CACNA1A: variants seen among roughly 807,000 people sequenced by gnomAD.
CACNA1A encodes calcium voltage-gated channel subunit alpha1 A.
In CACNA1A, 57 loss-of-function variants were observed where a neutral mutation model predicts 262.4. The observed-to-expected ratio is 0.22, with a 90% CI of 0.18 to 0.27. CACNA1A has a LOEUF of 0.27. Among genes scored for constraint, CACNA1A ranks in the 10% least tolerant of loss-of-function variants. The pLI is 1.00. For synonymous variants in CACNA1A, 1,431 were observed against 1,419.3 expected (o/e 1.01, Z -0.18); for missense variants, 2,526 against 3,562.8 (o/e 0.71, Z 7.41).
intron 1 of CACNA1A, among the ~76,000 whole-genome samples, chr19:13,456,469 G>A (rs141751784): frequency 0.032 from 4,927 of 152,090 alleles, 253 homozygotes; most frequent in African/African-American, 0.11. Flanking sequence ...TCAGGAGATC[G>A]AGACCATCCT....
chr19:13,261,433 G>A lies in CACNA1A; in HGVS notation c.4250+17C>T. ...CTGCTGGTTCCAATGGGAATGTGCT[G>A]GAAAGTGGAGACCCACCGACAATCT... On this transcript the variant is annotated intron_variant, in intron 26 of 46. Coordinates refer to ENST00000360228, the MANE Select transcript of CACNA1A (RefSeq NM_001127222.2). The A allele has an allele frequency of 6.4e-7, 1 of 1,557,108 alleles. No individual in the cohort carries two copies. Among genetic ancestry groups the A allele is most frequent in the South Asian group, 1.2e-5 (1 of 84,074 alleles).
chr19:13,384,168 C>A (rs2059568973), intron 3 of CACNA1A, among the ~76,000 whole-genome samples: 1 of 152,156 alleles, frequency 6.6e-6, no homozygotes, highest in Non-Finnish European at 1.5e-5. Flanking sequence ...AGAATGTCAG[C>A]TCCACGAGGA....
intron 38 of CACNA1A, among the ~76,000 whole-genome samples, chr19:13,218,640 C>T (rs2055108312): frequency 3.3e-5 from 5 of 152,236 alleles, no homozygotes; most frequent in South Asian, 2.1e-4. Flanking sequence ...AGTGCAGTGG[C>T]GTGATCTTGG....
intron 1 of CACNA1A, among the ~76,000 whole-genome samples, chr19:13,479,234 T>C (rs375406632): frequency 6.6e-6 from 1 of 152,096 alleles, no homozygotes; most frequent in African/African-American, 2.4e-5. Context: ...CATAGTGATG[T>C]AGGGTGACAG....
At chr19:13,304,419 A>G (rs1423928678) in intron 15 of CACNA1A, among the ~76,000 whole-genome samples, 1 of 151,982 alleles carries the variant, frequency 6.6e-6, no homozygotes, top group African/African-American at 2.4e-5. Context: ...ACTTGAGCCC[A>G]GGAGTTCAAG....
chr19:13,449,723 A>T (rs1450665314), intron 3 of CACNA1A, among the ~76,000 whole-genome samples: 1 of 152,262 alleles, frequency 6.6e-6, no homozygotes, highest in Admixed American at 6.5e-5. Flanking sequence ...TTATATACTT[A>T]GGCAGCCAAA....
chr19:13,385,100 G>A (rs968287367), intron 3 of CACNA1A, among the ~76,000 whole-genome samples: 5 of 152,070 alleles, frequency 3.3e-5, no homozygotes, highest in Admixed American at 2.0e-4. Flanking sequence ...TACCAGTCAC[G>A]TTTTAAGTGC....
chr19:13,289,867 A>G (rs1479667235), intron 19 of CACNA1A, among the ~76,000 whole-genome samples: 1 of 151,266 alleles, frequency 6.6e-6, no homozygotes, highest in African/African-American at 2.4e-5. Context: ...GGAAACATAC[A>G]AAGATCACTT....
At chr19:13,378,968 CTTTT>C (rs35618538) in intron 3 of CACNA1A, among the ~76,000 whole-genome samples, 13 of 129,470 alleles carry the variant, frequency 1.0e-4, no homozygotes, top group Admixed American at 2.5e-4. Context: ...TGTGCCCAGC[CTTTT>C]TTTTTTTTTT....
At chr19:13,265,411 C>A (rs1207255788) in intron 24 of CACNA1A, among the ~76,000 whole-genome samples, 3 of 152,222 alleles carry the variant, frequency 2.0e-5, no homozygotes, top group Admixed American at 6.5e-5. Flanking sequence ...TAAAGGACTC[C>A]ATTTTTTTCA....
At chr19:13,472,256 C>A (rs145639768) in intron 1 of CACNA1A, among the ~76,000 whole-genome samples, 2,252 of 151,938 alleles carry the variant, frequency 0.015, 26 homozygotes, top group Non-Finnish European at 0.024. Context: ...CAGGTGTGAG[C>A]CACCATGCCC....
intron 3 of CACNA1A, among the ~76,000 whole-genome samples, chr19:13,417,784 G>C (rs2060248684): frequency 6.6e-6 from 1 of 151,710 alleles, no homozygotes; most frequent in African/African-American, 2.4e-5. Context: ...CAGATATTTG[G>C]GAGGCTGAGG....
In CACNA1A at chr19:13,391,846, G is replaced by A. The variant is rs555509945; in HGVS notation, c.540-20067C>T. ...GAGCCCAAGAGTTCAAGACCAGCCT[G>A]GGCAACATGGTGAAACCTGGTCTCT... On this transcript the variant is annotated intron_variant, in intron 3 of 46. Coordinates refer to ENST00000360228, the MANE Select transcript of CACNA1A (RefSeq NM_001127222.2). Among the ~76,000 whole-genome samples the A allele has an allele frequency of 2.0e-5, 3 of 152,058 alleles. No homozygotes were observed. The East Asian group carries it at 5.8e-4, about 29-fold the overall frequency.
At chr19:13,421,279 C>T (rs1025255162) in intron 3 of CACNA1A, among the ~76,000 whole-genome samples, 15 of 151,848 alleles carry the variant, frequency 9.9e-5, no homozygotes, top group Non-Finnish European at 2.1e-4. Context: ...ATCCGGTGGC[C>T]TTTTGGGTCT....
chr19:13,434,383 T>C (rs764566597), intron 3 of CACNA1A, among the ~76,000 whole-genome samples: 1 of 152,152 alleles, frequency 6.6e-6, no homozygotes, highest in Non-Finnish European at 1.5e-5. Context: ...GCAAAAGTAA[T>C]TGTGGTTTTT....
Position 13,485,536 on chromosome 19 carries a change from A to T in CACNA1A, c.293+20396T>A, listed in dbSNP as rs569947773. ...ACCCACAAATCAATATTTTTTTTTT[A>T]AAAGTGACCTAATCAAAAATGGACA... On this transcript the variant is annotated intron_variant, in intron 1 of 46. Coordinates refer to ENST00000360228, the MANE Select transcript of CACNA1A (RefSeq NM_001127222.2). Among the ~76,000 whole-genome samples, 10 of 152,006 alleles carry T rather than the reference A, an allele frequency of 6.6e-5. 1 individual carries two copies. The highest frequency in any genetic ancestry group is 2.0e-4 in the Admixed American group (3 of 15,270).
chr19:13,245,371 G>T (rs552184108), intron 30 of CACNA1A, 106 bp from the exon 31 acceptor site: 2 of 824,226 alleles, frequency 2.4e-6, no homozygotes, highest in Non-Finnish European at 4.3e-6. Flanking sequence ...TCAGCGGAGT[G>T]CCCGGGACAG....
Position 13,241,458 on chromosome 19 carries a change from C to A in CACNA1A, c.4950+3724G>T. On this transcript the variant is annotated intron_variant, in intron 31 of 46. Transcript: ENST00000360228. This position sits in a 1 kb window ranked among gnomAD's most constrained non-coding sequence, Gnocchi z 4.0. ...GGCAGGGTGTGGCATGCAATGCCGACGCGAGGAGATGCGTTCACAGTTAAT... is the reference window on the plus strand; with the variant it reads ...GGCAGGGTGTGGCATGCAATGCCGAAGCGAGGAGATGCGTTCACAGTTAAT... 3 of 1,175,394 alleles carry A rather than the reference C, an allele frequency of 2.6e-6. No individual in the cohort carries two copies. Among genetic ancestry groups the A allele is most frequent in the Admixed American group, 4.1e-5 (2 of 48,844 alleles). The allele number at this position is 1,175,394 out of a possible 1,614,324, so 72.8% of individuals were successfully genotyped here.
chr19:13,296,527 C>T (rs1180814935), intron 19 of CACNA1A, among the ~76,000 whole-genome samples: 1 of 152,148 alleles, frequency 6.6e-6, no homozygotes, highest in Non-Finnish European at 1.5e-5. Context: ...AGTTGCTGGC[C>T]TGGAAGATGC....
Sources: gnomAD v4.1 joint callset for allele counts (sites outside exome capture counted in the v4.1 genomes callset) on GRCh38, gnomAD v4.1.1 for gene constraint, Gnocchi (gnomAD v3.1) non-coding constraint, MANE v1.5 for transcripts, NCBI Gene and HGNC (gene_info 2026-07-23, HGNC 2026-07-21) for gene names.